The following TMEM67 variants were observed in gnomAD, a reference collection of about 807,000 sequenced individuals.
The protein encoded by TMEM67 is transmembrane protein 67.
TMEM67 carries 124 observed loss-of-function variants against 136.6 expected under a neutral mutation model. The observed-to-expected ratio is 0.91, with a 90% confidence interval of 0.78 to 1.05. The LOEUF (loss-of-function observed/expected upper bound fraction) is 1.05, where lower values mean the gene tolerates loss of function less well. TMEM67 is among the 50% of genes least tolerant of loss of function. TMEM67 has a pLI of 0.00. For missense variants in TMEM67, 1,107 were observed against 1,178.4 expected (o/e 0.94, Z 0.89); for synonymous variants, 364 against 390.5 (o/e 0.93, Z 0.80).
rs1813884788 is a variant in TMEM67, at chr8:93,782,503, C to T, written c.1131+43C>T. ...TAGTCTATATTTTAGCTTTATTTTT[C>T]AAAATATCATGTCAGCAGTAATTGG... On this transcript the variant is annotated intron_variant, in intron 11 of 27. Transcript: ENST00000453321. The T allele has an allele frequency of 2.1e-6, 3 of 1,410,806 alleles. No individual in the cohort carries two copies. In the East Asian group the frequency reaches 7.8e-5, roughly 37 times the overall value. 87.4% of individuals were successfully genotyped at this position (1,410,806 alleles called of 1,614,324 possible).
chr8:93,796,054 T>A (rs1208713708), intron 18 of TMEM67, 67 bp downstream of exon 18: 1 of 1,027,534 alleles, frequency 9.7e-7, no homozygotes, highest in Non-Finnish European at 1.5e-6. Context: ...TCTTTAAAAT[T>A]AAAATGCTTT....
chr8:93,794,482 C>T (rs181271707), intron 16 of TMEM67, among the ~76,000 whole-genome samples: 87 of 152,222 alleles, frequency 5.7e-4, no homozygotes, highest in African/African-American at 1.8e-3. Context: ...GCGTTTTACA[C>T]GTGATGAAAT....
chr8:93,804,739 TTCTTTTTATTC>T lies in TMEM67; in HGVS notation c.2323-13_2323-3del. On this transcript the variant is annotated splice_polypyrimidine_tract_variant and intron_variant, in intron 22 of 27. Coordinates refer to ENST00000453321, the MANE Select transcript of TMEM67 (RefSeq NM_153704.6). ...GTTTTGCAGATGAGTTGCTATTTGC[TTCTTTTTATTC>T]TCTTTTTATAGATATCAGTGTTTCT... 1 of 1,405,402 alleles carries T rather than the reference TTCTTTTTATTC, an allele frequency of 7.1e-7. No individual in the cohort carries two copies. Among genetic ancestry groups the T allele is most frequent in the South Asian group, 1.2e-5 (1 of 85,542 alleles). The allele number at this position is 1,405,402 out of a possible 1,614,324, so 87.1% of individuals were successfully genotyped here.
chr8:93,822,473 T>G (rs1809055056), downstream of TMEM67, among the ~76,000 whole-genome samples: 1 of 152,234 alleles, frequency 6.6e-6, no homozygotes, highest in South Asian at 2.1e-4. Context: ...AGTTTGTATT[T>G]GACCAAACCC....
Position 93,815,422 on chromosome 8 carries a change from C to G in TMEM67, c.2882C>G (p.Ser961Cys). Residue 961 changes from serine to cysteine, a missense_variant, in exon 27 of 28, where the codon TCC becomes TGC. Ser to Cys is a moderately radical substitution (Grantham distance 112). Coordinates refer to ENST00000453321, the MANE Select transcript of TMEM67 (RefSeq NM_153704.6). ...GCTTGCCAAAATTTTATTTTAGCAT[C>G]CTTCCTTACATATCTACAACAAGAG... ...DLACQNFILA[S>C]FLTYLQQEIF... is the part of the protein sequence containing the mutation. The G allele has an allele frequency of 1.9e-6, 3 of 1,612,570 alleles. No homozygotes were observed. Among genetic ancestry groups the G allele is most frequent in the Non-Finnish European group, 2.5e-6 (3 of 1,179,562 alleles).
At chr8:93,788,140 T>C (rs966410138) in intron 14 of TMEM67, among the ~76,000 whole-genome samples, 191 bp downstream of exon 14, 5 of 152,030 alleles carry the variant, frequency 3.3e-5, no homozygotes, top group South Asian at 2.1e-4. Context: ...ATCCTGAGTA[T>C]AAAAAAGTAA....
At chr8:93,770,876 G>A (rs887162036) in intron 6 of TMEM67, among the ~76,000 whole-genome samples, 13 of 152,110 alleles carry the variant, frequency 8.5e-5, no homozygotes, top group East Asian at 1.9e-4. Flanking sequence ...TTAGCTGGGC[G>A]TGGCGGCAGG....
chr8:93,807,450 T>G (rs1193989821), intron 23 of TMEM67, among the ~76,000 whole-genome samples: 1 of 152,112 alleles, frequency 6.6e-6, no homozygotes, highest in African/African-American at 2.4e-5. Flanking sequence ...TTTTGTAGAA[T>G]ATTTGATGAC....
chr8:93,809,304 C>T (rs923265667), intron 25 of TMEM67, 143 bp downstream of exon 25: 4 of 671,234 alleles, frequency 6.0e-6, no homozygotes, highest in South Asian at 3.2e-5. Flanking sequence ...TTTTGTCTGT[C>T]ACATTCAATA....
chr8:93,797,122 T>C lies in TMEM67; in HGVS notation c.1861-12T>C. The C allele has an allele frequency of 6.6e-7, 1 of 1,523,062 alleles. No homozygotes were observed. The highest frequency in any genetic ancestry group is 9.1e-7 in the Non-Finnish European group (1 of 1,098,630). The allele number at this position is 1,523,062 out of a possible 1,614,324, so 94.3% of individuals were successfully genotyped here. On this transcript the variant is annotated splice_polypyrimidine_tract_variant and intron_variant, in intron 18 of 27. Transcript: ENST00000453321. ...GTACTTTTTCAGGTGTTTTATTATA[T>C]GTCATTCTCAGGCACTACAATTTTT...
rs1170985091 is a variant in TMEM67 at position 93,809,803 on chromosome 8, T to A, written c.2680T>A (p.Tyr894Asn). 1.9e-6 allele frequency: 3 copies of A among 1,586,452 alleles called. No individual in the cohort carries two copies. The highest frequency in any genetic ancestry group is 2.6e-6 in the Non-Finnish European group (3 of 1,155,492). Residue 894 changes from tyrosine to asparagine, a missense_variant, in exon 26 of 28, where the codon TAC becomes AAC. Transcript: ENST00000453321. ...FIDHVHKEMD[Y>N]FIKDKLLLER... ...TTATTAGGTTCATAAGGAAATGGAT[T>A]ACTTTATAAAAGATAAGTTGCTTCT... is the stretch of plus-strand genomic sequence containing the variant.
the TMEM67 span, among the ~76,000 whole-genome samples, chr8:93,828,585 C>G: frequency 6.6e-6 from 1 of 151,964 alleles, no homozygotes; most frequent in East Asian, 1.9e-4. Flanking sequence ...AATAAAAATA[C>G]AGAAAATAGC....
the TMEM67 span, among the ~76,000 whole-genome samples, chr8:93,829,665 G>A: frequency 6.6e-6 from 1 of 151,856 alleles, no homozygotes; most frequent in Admixed American, 6.6e-5. Flanking sequence ...CTGAGAATTC[G>A]GGAGGCCCCA....
intron 16 of TMEM67, among the ~76,000 whole-genome samples, chr8:93,793,572 A>G (rs570981608): frequency 1.3e-5 from 2 of 151,714 alleles, no homozygotes; most frequent in Admixed American, 6.6e-5. Flanking sequence ...TTTTTTGCCA[A>G]CCTCATGGCA....
At chr8:93,786,500 G>A (rs1814113063) in intron 13 of TMEM67, among the ~76,000 whole-genome samples, 154 bp downstream of exon 13, 1 of 151,170 alleles carries the variant, frequency 6.6e-6, no homozygotes, top group South Asian at 2.1e-4. Flanking sequence ...ACCAGTAAAA[G>A]TGAATAGCCA....
intron 21 of TMEM67, among the ~76,000 whole-genome samples, chr8:93,803,013 T>C (rs1473837727): frequency 6.6e-6 from 1 of 152,052 alleles, no homozygotes; most frequent in Non-Finnish European, 1.5e-5. Flanking sequence ...CAGCTTTAAA[T>C]AGGGGAGTTA....
intron 2 of TMEM67, among the ~76,000 whole-genome samples, chr8:93,757,606 A>G (rs1812637105): frequency 6.6e-6 from 1 of 151,516 alleles, no homozygotes; most frequent in African/African-American, 2.4e-5. Context: ...ACTGCACTCC[A>G]GCCTGGCAAC....
At chr8:93,809,506 A>T (rs1284725968) in intron 25 of TMEM67, among the ~76,000 whole-genome samples, 4 of 152,176 alleles carry the variant, frequency 2.6e-5, no homozygotes, top group Non-Finnish European at 1.5e-5. Context: ...TCATTATTGA[A>T]ATCCTTGTGT....
downstream of TMEM67, among the ~76,000 whole-genome samples, chr8:93,820,423 A>G (rs185129313): frequency 2.0e-5 from 3 of 152,248 alleles, no homozygotes; most frequent in East Asian, 5.8e-4. Flanking sequence ...CAAGTTGGAG[A>G]TAAGTGTTCC....
Sources: allele counts gnomAD v4.1 joint callset (sites outside exome capture counted in the v4.1 genomes callset), GRCh38; gene constraint gnomAD v4.1.1; transcripts MANE v1.5; gene names NCBI Gene and HGNC (gene_info 2026-07-23, HGNC 2026-07-21).